Variants in NACC2 observed in about 807,000 individuals in gnomAD.
NACC2 encodes NACC family member 2, also known as nucleus accumbens-associated protein 2.
A neutral mutation model predicts 25.1 loss-of-function variants in NACC2; 8 were observed. That is an observed-to-expected ratio of 0.32 (90% CI 0.19 to 0.57). NACC2 has a LOEUF of 0.57. NACC2 is among the 20% of genes least tolerant of loss of function. The pLI, the probability that NACC2 is intolerant of heterozygous loss-of-function variation, is 0.89. For synonymous variants in NACC2, 435 were observed against 294.7 expected (o/e 1.48, Z -4.88); for missense variants, 644 against 650.2 (o/e 0.99, Z 0.10).
intron 1 of NACC2, among the ~76,000 whole-genome samples, chr9:136,078,463 C>G (rs1192826383): frequency 1.3e-5 from 2 of 152,170 alleles, no homozygotes; most frequent in African/African-American, 4.8e-5. Context: ...CCATTTAATC[C>G]TTAAAGTAAG....
rs2131187947 is a variant in NACC2, at chr9:136,084,085, CT to C, written c.-60+11103del. 6.6e-6 allele frequency among the ~76,000 whole-genome samples: 1 copy of C among 152,142 alleles called. No homozygotes were observed. The highest frequency in any genetic ancestry group is 1.9e-4 in the East Asian group (1 of 5,162). On this transcript the variant is annotated intron_variant, in intron 1 of 5. Transcript: ENST00000277554. This position sits in a 1 kb window ranked among gnomAD's most constrained non-coding sequence, Gnocchi z 5.1. The stretch of plus-strand genomic sequence containing the variant: ...GGGGAGGTAGGGAAGGTGGTGCTCG[CT>C]GAGGGTGTCCCTCACTCAGTGGCTC...
At chr9:136,025,053 AG>A (rs1325739027) in intron 2 of NACC2, among the ~76,000 whole-genome samples, 2 of 152,258 alleles carry the variant, frequency 1.3e-5, no homozygotes, top group African/African-American at 2.4e-5. Flanking sequence ...AAGGAAATCT[AG>A]AATTTGGCAT....
rs1840243067 is a variant in NACC2 at position 136,018,848 on chromosome 9, AAGCCGCAC to A, written c.887-2427_887-2420del. Among the ~76,000 whole-genome samples the A allele has an allele frequency of 1.3e-5, 2 of 152,196 alleles. No homozygotes were observed. Among genetic ancestry groups the A allele is most frequent in the South Asian group, 4.1e-4 (2 of 4,826 alleles). ...GCCTGCTGTGATTACACACGCGGAG[AAGCCGCAC>A]GGTGCGTGGCATTTACATAAAGAGT... On this transcript the variant is annotated intron_variant, in intron 2 of 5. Transcript: ENST00000277554. This position sits in a 1 kb window ranked among gnomAD's most constrained non-coding sequence, Gnocchi z 4.4.
chr9:136,014,015 T>C (rs1166484897), intron 3 of NACC2, 46 bp from the exon 4 acceptor site: 2 of 1,376,858 alleles, frequency 1.5e-6, no homozygotes, highest in Non-Finnish European at 2.0e-6. Flanking sequence ...TCCCGGGCCA[T>C]AGGGTCCGAA....
chr9:136,050,759 C>A (rs1840818204), intron 1 of NACC2, among the ~76,000 whole-genome samples, 179 bp from the exon 2 acceptor site: 1 of 152,130 alleles, frequency 6.6e-6, no homozygotes, highest in Non-Finnish European at 1.5e-5. Flanking sequence ...GTCTCCCAGA[C>A]CCCCTGGCAG....
At chr9:136,088,770 G>A (rs964346198) in intron 1 of NACC2, among the ~76,000 whole-genome samples, 3 of 152,156 alleles carry the variant, frequency 2.0e-5, no homozygotes, top group Non-Finnish European at 4.4e-5. Context: ...ACAGATGAGG[G>A]CTCAGGCCTG....
intron 1 of NACC2, among the ~76,000 whole-genome samples, chr9:136,050,785 C>G (rs915796480): frequency 7.2e-5 from 11 of 152,150 alleles, no homozygotes; most frequent in Admixed American, 2.6e-4. Flanking sequence ...CAAGAGGGCC[C>G]GGCCAGCACT....
chr9:136,076,915 A>C (rs1830268469), intron 1 of NACC2, among the ~76,000 whole-genome samples: 1 of 150,382 alleles, frequency 6.6e-6, no homozygotes, highest in Non-Finnish European at 1.5e-5. Flanking sequence ...GACTAGGCGG[A>C]GAATGGCGTG....
Position 136,011,894 on chromosome 9 carries a change from G to A in NACC2, c.1386C>T (p.Gly462=), listed in dbSNP as rs148472581. 2 of 1,579,530 alleles carry A rather than the reference G, an allele frequency of 1.3e-6. No individual in the cohort carries two copies. The highest frequency in any genetic ancestry group is 2.3e-5 in the East Asian group (1 of 42,772). The change falls in exon 6 of 6, where the codon GGC becomes GGT. Residue 462 remains glycine, a synonymous_variant. Transcript: ENST00000277554. ...CCATGACCGTGCGGTACATCTCCAC[G>A]CCCTCCGGCAGCATGGACTTGATCT... ...LPKIKSMLPE[G]VEMYRTVMGS...
In NACC2 at chr9:136,013,609, A is replaced by G. The variant is rs1373106692; in HGVS notation, c.1157+255T>C. Among the ~76,000 whole-genome samples the G allele has an allele frequency of 1.3e-5, 2 of 152,180 alleles. No individual in the cohort carries two copies. The highest frequency in any genetic ancestry group is 4.8e-5 in the African/African-American group (2 of 41,442). On this transcript the variant is annotated intron_variant, in intron 4 of 5. Transcript: ENST00000277554. This position sits in a 1 kb window ranked among gnomAD's most constrained non-coding sequence, Gnocchi z 6.6. ...TCTGTTGGCCCATCAGCACAACAGA[A>G]TAAGTGTGGCTCTTCATTTTTCTGT... is the stretch of plus-strand genomic sequence containing the variant.
At chr9:136,078,661 A>T (rs1830289378) in intron 1 of NACC2, among the ~76,000 whole-genome samples, 1 of 152,220 alleles carries the variant, frequency 6.6e-6, no homozygotes, top group South Asian at 2.1e-4. Flanking sequence ...CGGGACAGAA[A>T]GGGGCGTGGG....
intron 1 of NACC2, among the ~76,000 whole-genome samples, chr9:136,062,113 G>A (rs989577468): frequency 4.8e-5 from 6 of 123,808 alleles, no homozygotes; most frequent in African/African-American, 1.3e-4. Context: ...GCAACAGAGC[G>A]AGACAGGACA....
chr9:136,084,952 T>A lies in NACC2; in HGVS notation c.-60+10237A>T, dbSNP rs535102420. On this transcript the variant is annotated intron_variant, in intron 1 of 5. Transcript: ENST00000277554. This position sits in a 1 kb window ranked among gnomAD's most constrained non-coding sequence, Gnocchi z 5.1. ...GCAAGGATGGGGAGTTTGTGTCTAA[T>A]GGGGAAAGGGGTTCAGTTTGGGCAG... Among the ~76,000 whole-genome samples, 3 of 152,084 alleles carry A rather than the reference T, an allele frequency of 2.0e-5. No individual in the cohort carries two copies. The highest frequency in any genetic ancestry group is 2.4e-5 in the African/African-American group (1 of 41,468).
chr9:136,051,614 C>T (rs1404709364), intron 1 of NACC2, among the ~76,000 whole-genome samples: 1 of 152,122 alleles, frequency 6.6e-6, no homozygotes, highest in Admixed American at 6.5e-5. Context: ...GCAGAGGCGC[C>T]GGGTGGCGGG....
intron 1 of NACC2, among the ~76,000 whole-genome samples, chr9:136,052,148 G>A (rs1288896274): frequency 6.6e-6 from 1 of 152,246 alleles, no homozygotes; most frequent in Non-Finnish European, 1.5e-5. Flanking sequence ...TGGTGCCAGA[G>A]GAATGCGCGG....
At chr9:136,094,560 G>A (rs1031067230) in intron 1 of NACC2, among the ~76,000 whole-genome samples, 1 of 152,174 alleles carries the variant, frequency 6.6e-6, no homozygotes, top group East Asian at 1.9e-4. Flanking sequence ...AGGCACAGAA[G>A]CTGGCAAGAG....
chr9:136,017,473 C>T (rs1033268401), intron 2 of NACC2, among the ~76,000 whole-genome samples: 1 of 152,142 alleles, frequency 6.6e-6, no homozygotes, highest in Admixed American at 6.5e-5. Flanking sequence ...GGCCCCAAAT[C>T]CTGCCCAGCA....
chr9:136,078,108 A>G (rs1336891899), intron 1 of NACC2, among the ~76,000 whole-genome samples: 1 of 152,172 alleles, frequency 6.6e-6, no homozygotes. Flanking sequence ...TTGCCGTACT[A>G]TCTTTAAACA....
chr9:136,008,411 C>CT lies in NACC2; in HGVS notation c.*3104dup, dbSNP rs1840056155. On this transcript the variant is annotated 3_prime_UTR_variant, in exon 6 of 6. Transcript: ENST00000277554. ...CCAACACGGTCCAGTCCCTTCTGTCCTCCTCAAAAGGTGTGGAGATAACGT... is the reference window on the plus strand; with the variant it reads ...CCAACACGGTCCAGTCCCTTCTGTCCTTCCTCAAAAGGTGTGGAGATAACGT... 6.6e-6 allele frequency: 1 copy of CT among 152,306 alleles called. No homozygotes were observed. Among genetic ancestry groups the CT allele is most frequent in the Non-Finnish European group, 1.5e-5 (1 of 68,118 alleles). The allele number at this position is 152,306 out of a possible 1,614,324, so 9.4% of individuals were successfully genotyped here.
Sources: gnomAD v4.1 joint callset for allele counts (sites outside exome capture counted in the v4.1 genomes callset) on GRCh38, gnomAD v4.1.1 for gene constraint, Gnocchi (gnomAD v3.1) non-coding constraint, MANE v1.5 for transcripts, NCBI Gene and HGNC (gene_info 2026-07-23, HGNC 2026-07-21) for gene names.